Variants in LCE3D observed in about 807,000 individuals in gnomAD.
LCE3D encodes the protein late cornified envelope protein 3D.
For missense variants in LCE3D, 124 were observed against 121.1 expected (o/e 1.02, Z -0.11); for synonymous variants, 46 against 47.3 (o/e 0.97, Z 0.11).
chr1:152,580,063 T>A, intron 1 of LCE3D, 106 bp from the exon 2 acceptor site: 3 of 1,389,970 alleles, frequency 2.2e-6, no homozygotes, highest in Non-Finnish European at 3.0e-6. Context: ...GAAGCTGATG[T>A]GGAGTTGGTG....
At position 152,579,684 on chromosome 1, in the gene LCE3D, C is replaced by T. The variant is rs138014044; in HGVS notation, c.253G>A (p.Gly85Ser). ...SGQQGGGSGC[G>S]HGSGGCC is the part of the protein sequence containing the mutation. ...CAGCAGCAGCCTCCAGAGCCATGGC[C>T]GCAGCCAGAGCCCCCGCCTTGCTGA... is the stretch of plus-strand genomic sequence containing the variant. The change falls in exon 2 of 2, where the codon GGC becomes AGC. Residue 85 changes from glycine (G) to serine (S), a missense_variant. Physicochemically the swap from Gly to Ser is moderately conservative, Grantham distance 56. Coordinates refer to ENST00000368787, the MANE Select transcript of LCE3D (RefSeq NM_032563.2). 680 of 1,613,784 alleles carry T rather than the reference C, an allele frequency of 4.2e-4. 9 individuals are homozygous for T. The East Asian group carries it at 0.011, about 27-fold the overall frequency.
At chr1:152,580,072 TG>T in intron 1 of LCE3D, 115 bp from the exon 2 acceptor site, 1 of 1,294,526 alleles carries the variant, frequency 7.7e-7, no homozygotes, top group East Asian at 2.4e-5. Context: ...GTGGAGTTGG[TG>T]GGACATGCCA....
At position 152,579,676 on chromosome 1, in the gene LCE3D, G is replaced by T; in HGVS notation, c.261C>A (p.Gly87=). The T allele has an allele frequency of 1.2e-6, 2 of 1,613,818 alleles. No individual in the cohort carries two copies. The highest frequency in any genetic ancestry group is 2.2e-5 in the South Asian group (2 of 91,078). Reference sequence around the variant, plus strand: ...ATCCAGGTCAGCAGCAGCCTCCAGAGCCATGGCCGCAGCCAGAGCCCCCGC... The same window carrying T: ...ATCCAGGTCAGCAGCAGCCTCCAGATCCATGGCCGCAGCCAGAGCCCCCGC... ...QQGGGSGCGH[G]SGGCC The change falls in exon 2 of 2, where the codon GGC becomes GGA. Residue 87 remains glycine, a synonymous_variant. Coordinates refer to ENST00000368787, the MANE Select transcript of LCE3D (RefSeq NM_032563.2).
At chr1:152,580,118 T>G (rs1202106992) in intron 1 of LCE3D, among the ~76,000 whole-genome samples, 161 bp from the exon 2 acceptor site, 1 of 151,966 alleles carries the variant, frequency 6.6e-6, no homozygotes, top group Non-Finnish European at 1.5e-5. Flanking sequence ...CAGGGACAGA[T>G]TGCTGTGAGT....
In LCE3D at chr1:152,579,572, G is replaced by T; in HGVS notation, c.*86C>A. 6.3e-7 allele frequency: 1 copy of T among 1,587,412 alleles called. No homozygotes were observed. The highest frequency in any genetic ancestry group is 2.0e-4 in the Middle Eastern group (1 of 4,958). The stretch of plus-strand genomic sequence containing the variant: ...GTGAAAGCCAGAAGAGGGTATCTGG[G>T]AACTCATGCATCAAGATGGGGTTTT... On this transcript the variant is annotated 3_prime_UTR_variant, in exon 2 of 2. Transcript: ENST00000368787.
Position 152,579,783 on chromosome 1 carries a change from A to G in LCE3D, c.154T>C (p.Cys52Arg). Residue 52 changes from cysteine to arginine, a missense_variant, in exon 2 of 2, where the codon TGC (cysteine) becomes CGC (arginine). Coordinates refer to ENST00000368787, the MANE Select transcript of LCE3D (RefSeq NM_032563.2). ...TGGCGCCTGTGGTGGTTCAGGAAGC[A>G]GCCGCCCTCGGAGCTAGGGCCACAG... is the stretch of plus-strand genomic sequence containing the variant. ...GGCGPSSEGG[C>R]FLNHHRRHHR... 1 of 1,613,862 alleles carries G rather than the reference A, an allele frequency of 6.2e-7. No individual in the cohort carries two copies. The highest frequency in any genetic ancestry group is 8.5e-7 in the Non-Finnish European group (1 of 1,180,036).
Position 152,579,956 on chromosome 1 carries a change from T to C in LCE3D, c.-20A>G. 6.2e-7 allele frequency: 1 copy of C among 1,613,844 alleles called. No homozygotes were observed. Among genetic ancestry groups the C allele is most frequent in the East Asian group, 2.2e-5 (1 of 44,866 alleles). ...GGACATCTTGGCAGGAGTTGAGTTG[T>C]CCTGGACAAAACAAAGCCATTTGTT... On this transcript the variant is annotated splice_region_variant and 5_prime_UTR_variant, in exon 2 of 2. Coordinates refer to ENST00000368787, the MANE Select transcript of LCE3D (RefSeq NM_032563.2).
chr1:152,580,102 C>A, intron 1 of LCE3D, 145 bp from the exon 2 acceptor site: 1 of 961,848 alleles, frequency 1.0e-6, no homozygotes, highest in Non-Finnish European at 1.6e-6. Flanking sequence ...TCACTTTGTT[C>A]TCCACCAGGG....
At position 152,579,676 on chromosome 1, in the gene LCE3D, G is replaced by A. The variant is rs145149145; in HGVS notation, c.261C>T (p.Gly87=). The A allele has an allele frequency of 1.1e-3, 1,736 of 1,613,818 alleles. 1 individual carries two copies. The highest frequency in any genetic ancestry group is 1.4e-3 in the Non-Finnish European group (1,655 of 1,180,006). ...QQGGGSGCGH[G]SGGCC ...ATCCAGGTCAGCAGCAGCCTCCAGAGCCATGGCCGCAGCCAGAGCCCCCGC... is the reference window on the plus strand; with the variant it reads ...ATCCAGGTCAGCAGCAGCCTCCAGAACCATGGCCGCAGCCAGAGCCCCCGC... The change falls in exon 2 of 2, where the codon GGC becomes GGT. Residue 87 remains glycine, a synonymous_variant. Transcript: ENST00000368787.
intron 1 of LCE3D, 73 bp downstream of exon 1, chr1:152,580,396 C>T (rs1660199175): frequency 5.1e-6 from 1 of 194,364 alleles, no homozygotes; most frequent in South Asian, 1.0e-4. Flanking sequence ...CTCTCCATTT[C>T]CCTCTCCTGC....
In LCE3D at chr1:152,579,579, T is replaced by A; in HGVS notation, c.*79A>T. 1.1e-5 allele frequency: 17 copies of A among 1,595,410 alleles called. No homozygotes were observed. The highest frequency in any genetic ancestry group is 1.5e-5 in the Non-Finnish European group (17 of 1,170,898). On this transcript the variant is annotated 3_prime_UTR_variant, in exon 2 of 2. Transcript: ENST00000368787. ...CCAGAAGAGGGTATCTGGGAACTCA[T>A]GCATCAAGATGGGGTTTTCCTGGGC...
chr1:152,579,877 C>G lies in LCE3D; in HGVS notation c.60G>C (p.Lys20Asn). 6.2e-7 allele frequency: 1 copy of G among 1,613,840 alleles called. No homozygotes were observed. Among genetic ancestry groups the G allele is most frequent in the South Asian group, 1.1e-5 (1 of 91,060 alleles). The change falls in exon 2 of 2, where the codon AAG (lysine) becomes AAC (asparagine). Residue 20 changes from lysine to asparagine, a missense_variant. Physicochemically the swap from Lys to Asn is moderately conservative, Grantham distance 94 (BLOSUM62 0). Transcript: ENST00000368787. ...CQPPPKCPSP[K>N]CPPKSPVQCL... ...ACTGTACTGGGCTCTTTGGGGGACA[C>G]TTGGGTGAGGGACACTTGGGTGGGG...
intron 1 of LCE3D, 92 bp from the exon 2 acceptor site, chr1:152,580,049 G>A: frequency 6.7e-7 from 1 of 1,499,178 alleles, no homozygotes; most frequent in Non-Finnish European, 9.1e-7. Context: ...GCAGGAAGGT[G>A]AGGGAAGCTG....
chr1:152,580,133 G>A (rs1203036483), intron 1 of LCE3D, among the ~76,000 whole-genome samples, 176 bp from the exon 2 acceptor site: 1 of 152,018 alleles, frequency 6.6e-6, no homozygotes, highest in East Asian at 1.9e-4. Context: ...GTGAGTCTAA[G>A]TGGGCATCCA....
In LCE3D at chr1:152,579,841, T is replaced by C. The variant is rs1660183912; in HGVS notation, c.96A>G (p.Pro32=). 3.7e-6 allele frequency: 6 copies of C among 1,613,912 alleles called. No individual in the cohort carries two copies. The highest frequency in any genetic ancestry group is 5.1e-6 in the Non-Finnish European group (6 of 1,180,028). The change falls in exon 2 of 2, where the codon CCA becomes CCG. Residue 32 remains proline, a synonymous_variant. Coordinates refer to ENST00000368787, the MANE Select transcript of LCE3D (RefSeq NM_032563.2). ...AGCTTGGGGCACAGCCAGAGGAAGCTGGAGGCAGACACTGTACTGGGCTCT... is the reference window on the plus strand; with the variant it reads ...AGCTTGGGGCACAGCCAGAGGAAGCCGGAGGCAGACACTGTACTGGGCTCT... ...PPKSPVQCLP[P]ASSGCAPSSG...
chr1:152,579,795 A>G lies in LCE3D; in HGVS notation c.142T>C (p.Ser48Pro). 2 of 1,613,782 alleles carry G rather than the reference A, an allele frequency of 1.2e-6. No homozygotes were observed. The highest frequency in any genetic ancestry group is 2.2e-5 in the South Asian group (2 of 91,070). The change falls in exon 2 of 2, where the codon TCC becomes CCC. Residue 48 changes from serine (S) to proline (P), a missense_variant. Ser to Pro is a moderately conservative substitution (Grantham distance 74). Coordinates refer to ENST00000368787, the MANE Select transcript of LCE3D (RefSeq NM_032563.2). ...APSSGGCGPS[S>P]EGGCFLNHHR... is the part of the protein sequence containing the mutation. ...TGGTTCAGGAAGCAGCCGCCCTCGG[A>G]GCTAGGGCCACAGCCCCCAGAGCTT...
At chr1:152,580,014 CCA>C (rs1320958694) in intron 1 of LCE3D, 57 bp from the exon 2 acceptor site, 1 of 1,601,584 alleles carries the variant, frequency 6.2e-7, no homozygotes, top group East Asian at 2.2e-5. Context: ...GTCTCTAAGA[CCA>C]GCGGCCTCCT....
In LCE3D at chr1:152,579,684, C is replaced by A. The variant is rs138014044; in HGVS notation, c.253G>T (p.Gly85Cys). 2 of 1,613,784 alleles carry A rather than the reference C, an allele frequency of 1.2e-6. No homozygotes were observed. Among genetic ancestry groups the A allele is most frequent in the Non-Finnish European group, 1.7e-6 (2 of 1,179,992 alleles). ...CAGCAGCAGCCTCCAGAGCCATGGC[C>A]GCAGCCAGAGCCCCCGCCTTGCTGA... ...SGQQGGGSGCGHGSGGCC is the reference protein window; with the variant it reads ...SGQQGGGSGCCHGSGGCC The change falls in exon 2 of 2, where the codon GGC (glycine) becomes TGC (cysteine). Residue 85 changes from glycine (G) to cysteine (C), a missense_variant. Coordinates refer to ENST00000368787, the MANE Select transcript of LCE3D (RefSeq NM_032563.2).
chr1:152,579,771 G>A lies in LCE3D; in HGVS notation c.166C>T (p.His56Tyr). 6.2e-7 allele frequency: 1 copy of A among 1,613,800 alleles called. No homozygotes were observed. The highest frequency in any genetic ancestry group is 8.5e-7 in the Non-Finnish European group (1 of 1,180,030). The change falls in exon 2 of 2, where the codon CAC (histidine) becomes TAC (tyrosine). Residue 56 changes from histidine (H) to tyrosine (Y), a missense_variant. Coordinates refer to ENST00000368787, the MANE Select transcript of LCE3D (RefSeq NM_032563.2). Reference sequence around the variant, plus strand: ...CGGCATCGGTGGTGGCGCCTGTGGTGGTTCAGGAAGCAGCCGCCCTCGGAG... The same window carrying A: ...CGGCATCGGTGGTGGCGCCTGTGGTAGTTCAGGAAGCAGCCGCCCTCGGAG... ...PSSEGGCFLNHHRRHHRCRRQ... is the reference protein window; with the variant it reads ...PSSEGGCFLNYHRRHHRCRRQ...
Sources: gnomAD v4.1 joint callset for allele counts (sites outside exome capture counted in the v4.1 genomes callset) on GRCh38, gnomAD v4.1.1 for gene constraint, MANE v1.5 for transcripts, NCBI Gene and HGNC (gene_info 2026-07-23, HGNC 2026-07-21) for gene names.